DUS2: variants seen among roughly 807,000 people sequenced by gnomAD.
DUS2 encodes the protein dihydrouridine synthase 2.
A neutral mutation model predicts 71.3 loss-of-function variants in DUS2; 52 were observed. The ratio of observed to expected loss-of-function variants is 0.73; its 90% CI spans 0.58 to 0.92. The LOEUF (loss-of-function observed/expected upper bound fraction) is 0.92, where lower values mean the gene tolerates loss of function less well. Ranked by LOEUF, DUS2 falls within the 40% of genes least tolerant of loss-of-function variation. DUS2 has a pLI of 0.00. For missense variants in DUS2, 558 were observed against 622.6 expected (o/e 0.90, Z 1.10); for synonymous variants, 204 against 227.8 (o/e 0.90, Z 0.94).
At chr16:68,048,403 C>CT (rs948288059) in intron 3 of DUS2, among the ~76,000 whole-genome samples, 20 of 152,156 alleles carry the variant, frequency 1.3e-4, no homozygotes, top group African/African-American at 3.9e-4. Context: ...TACTGGGGCT[C>CT]TGAGTTGGGC....
intron 4 of DUS2, among the ~76,000 whole-genome samples, chr16:68,052,438 T>C (rs774428790): frequency 1.3e-4 from 20 of 152,166 alleles, no homozygotes; most frequent in Non-Finnish European, 1.8e-4. Context: ...AGTATTGATT[T>C]TGGGGTCACA....
At chr16:68,056,776 A>G (rs1244766017) in intron 7 of DUS2, among the ~76,000 whole-genome samples, 4 of 147,850 alleles carry the variant, frequency 2.7e-5, no homozygotes, top group Non-Finnish European at 4.5e-5. Context: ...TCACACACAC[A>G]TACATATATA....
chr16:68,028,741 C>T (rs939257376), intron 2 of DUS2, among the ~76,000 whole-genome samples: 4 of 152,162 alleles, frequency 2.6e-5, no homozygotes, highest in African/African-American at 9.7e-5. Flanking sequence ...AACTGTGGTA[C>T]ACCATGGAAT....
chr16:68,070,830 T>G, intron 11 of DUS2, 110 bp from the exon 12 acceptor site: 1 of 1,190,402 alleles, frequency 8.4e-7, no homozygotes, highest in African/African-American at 1.5e-5. Flanking sequence ...CTGAAGGGAC[T>G]TGGCCAAATT....
Position 68,079,101 on chromosome 16 carries a change from A to C in DUS2, c.*115A>C. 1 of 1,028,926 alleles carries C rather than the reference A, an allele frequency of 9.7e-7. No individual in the cohort carries two copies. Among genetic ancestry groups the C allele is most frequent in the South Asian group, 2.0e-5 (1 of 51,078 alleles). 63.7% of individuals were successfully genotyped at this position (1,028,926 alleles called of 1,614,324 possible). On this transcript the variant is annotated 3_prime_UTR_variant, in exon 17 of 17. Transcript: ENST00000565263. ...TTGCTGGTCTTGCCTGGCAGAAGTTAGATGTCCTGGCAGGGGCCATCAGCC... is the reference window on the plus strand; with the variant it reads ...TTGCTGGTCTTGCCTGGCAGAAGTTCGATGTCCTGGCAGGGGCCATCAGCC...
intron 2 of DUS2, among the ~76,000 whole-genome samples, chr16:68,033,998 G>C (rs1411435377): frequency 3.3e-5 from 5 of 152,014 alleles, no homozygotes; most frequent in African/African-American, 4.8e-5. Flanking sequence ...GAACTCCTGA[G>C]TTCAAGCAAT....
chr16:68,077,569 A>T (rs2034175971), intron 15 of DUS2: 8 of 151,574 alleles, frequency 5.3e-5, no homozygotes, highest in Admixed American at 5.3e-4. Flanking sequence ...TTGTATTTTC[A>T]GTAGGGATGG....
intron 3 of DUS2, among the ~76,000 whole-genome samples, chr16:68,048,131 G>A (rs1311210847): frequency 1.3e-5 from 2 of 152,136 alleles, no homozygotes; most frequent in Admixed American, 6.6e-5. Context: ...AACTAATTTT[G>A]TAAGGCCTGT....
Position 68,041,512 on chromosome 16 carries a change from C to T in DUS2, c.126+3363C>T, listed in dbSNP as rs139790643. 2.2e-4 allele frequency among the ~76,000 whole-genome samples: 34 copies of T among 152,064 alleles called. No homozygotes were observed. In the Middle Eastern group the frequency reaches 0.017, roughly 77 times the overall value. ...GACCCAGAGTCCTACAGCCCAGAGGCCCACAAATGATTGATTTAGGCCAAG... is the reference window on the plus strand; with the variant it reads ...GACCCAGAGTCCTACAGCCCAGAGGTCCACAAATGATTGATTTAGGCCAAG... On this transcript the variant is annotated intron_variant, in intron 3 of 16. Coordinates refer to ENST00000565263, the MANE Select transcript of DUS2 (RefSeq NM_017803.5).
chr16:68,035,745 C>T (rs2033509854), intron 2 of DUS2, among the ~76,000 whole-genome samples: 1 of 143,332 alleles, frequency 7.0e-6, no homozygotes, highest in Non-Finnish European at 1.5e-5. Context: ...GAGACATTTA[C>T]CCTCTGTTAC....
In DUS2 at chr16:68,070,913, A is replaced by G. The variant is rs1005770536; in HGVS notation, c.642-27A>G. ...TGCTGATAGGTTCCGTGATGGGGAC[A>G]CCCCTAACCCTCTGGTTGCTTTTTA... On this transcript the variant is annotated intron_variant, in intron 11 of 16. Transcript: ENST00000565263. 2.5e-6 allele frequency: 4 copies of G among 1,607,034 alleles called. No individual in the cohort carries two copies. The Admixed American group carries it at 6.7e-5, about 27-fold the overall frequency.
At position 68,052,938 on chromosome 16, in the gene DUS2, C is replaced by T. The variant is rs541735139; in HGVS notation, c.173-626C>T. ...GATTACAAGCGTGAGCCACTGCGCC[C>T]GGCTATGTATGTACATTTTGTTTCA... On this transcript the variant is annotated intron_variant, in intron 4 of 16. Transcript: ENST00000565263. Among the ~76,000 whole-genome samples the T allele has an allele frequency of 6.6e-5, 10 of 150,530 alleles. No homozygotes were observed. In the South Asian group the frequency reaches 1.5e-3, roughly 22 times the overall value.
chr16:68,079,199 T>C lies in DUS2; in HGVS notation c.*213T>C. 1 of 444,598 alleles carries C rather than the reference T, an allele frequency of 2.2e-6. No homozygotes were observed. The highest frequency in any genetic ancestry group is 4.0e-6 in the Non-Finnish European group (1 of 252,184). The allele number at this position is 444,598 out of a possible 1,614,324, so 27.5% of individuals were successfully genotyped here. A position where few individuals can be genotyped will look rare whatever the true frequency, so the allele number is the denominator to read the frequency against. On this transcript the variant is annotated 3_prime_UTR_variant, in exon 17 of 17. Transcript: ENST00000565263. The stretch of plus-strand genomic sequence containing the variant: ...GTGGATCTGAGTGACAGGGTCAAGT[T>C]CTCTTTGAAAACAGGAGCTTTTCAG...
chr16:68,062,036 A>G (rs1404847254), intron 8 of DUS2, among the ~76,000 whole-genome samples: 1 of 151,972 alleles, frequency 6.6e-6, no homozygotes, highest in East Asian at 1.9e-4. Context: ...TTTGAGACAG[A>G]GTCTTGCTCT....
At chr16:68,045,089 G>A (rs537959721) in intron 3 of DUS2, among the ~76,000 whole-genome samples, 4 of 152,196 alleles carry the variant, frequency 2.6e-5, no homozygotes, top group Non-Finnish European at 4.4e-5. Flanking sequence ...CACTGTGCCC[G>A]GCCGTGTTAT....
chr16:68,074,278 G>A, intron 13 of DUS2, 123 bp downstream of exon 13: 1 of 1,283,306 alleles, frequency 7.8e-7, no homozygotes, highest in South Asian at 1.4e-5. Context: ...GTAGAGGAGT[G>A]GAGTGATGGT....
chr16:68,076,892 C>A (rs147401131), intron 15 of DUS2, among the ~76,000 whole-genome samples, 173 bp downstream of exon 15: 1 of 150,692 alleles, frequency 6.6e-6, no homozygotes, highest in South Asian at 2.1e-4. Flanking sequence ...GGCCTGTTGT[C>A]CAGTTCAGCC....
chr16:68,056,897 CAT>C (rs1449386226), intron 7 of DUS2, among the ~76,000 whole-genome samples: 2 of 140,088 alleles, frequency 1.4e-5, no homozygotes, highest in Admixed American at 7.5e-5. Context: ...TATTATATTA[CAT>C]ATATATTTAT....
intron 3 of DUS2, among the ~76,000 whole-genome samples, chr16:68,046,918 G>C (rs1366408635): frequency 1.3e-5 from 2 of 150,950 alleles, no homozygotes; most frequent in South Asian, 2.1e-4. Context: ...GGCTAATTTT[G>C]TTTTTGTATT....
Sources: allele counts gnomAD v4.1 joint callset (sites outside exome capture counted in the v4.1 genomes callset), GRCh38; gene constraint gnomAD v4.1.1; transcripts MANE v1.5; gene names NCBI Gene and HGNC (gene_info 2026-07-23, HGNC 2026-07-21).